Variants in ESRRG observed in about 807,000 individuals in gnomAD.
The protein encoded by ESRRG is estrogen-related receptor gamma.
In ESRRG, 13 loss-of-function variants were observed where a neutral mutation model predicts 44.0. The ratio of observed to expected loss-of-function variants is 0.30; its 90% CI spans 0.19 to 0.47. ESRRG has a LOEUF of 0.47. Ranked by LOEUF, ESRRG falls within the 20% of genes least tolerant of loss-of-function variation. ESRRG has a pLI of 1.00. For synonymous variants in ESRRG, 215 were observed against 214.6 expected, an observed-to-expected ratio of 1.00 and a Z score of -0.02; for missense variants, 395 against 580.6, an observed-to-expected ratio of 0.68 and a Z score of 3.29.
intron 2 of ESRRG, among the ~76,000 whole-genome samples, chr1:216,830,021 G>A (rs2095461417): frequency 6.6e-6 from 1 of 152,120 alleles, no homozygotes; most frequent in African/African-American, 2.4e-5. Flanking sequence ...TCAAGGCGTT[G>A]ACAGCACAGA....
intron 2 of ESRRG, among the ~76,000 whole-genome samples, chr1:216,907,157 C>T (rs1290135595): frequency 6.6e-6 from 1 of 152,146 alleles, no homozygotes; most frequent in Non-Finnish European, 1.5e-5. Context: ...AAAGGCATCG[C>T]CTGGCCACCG....
intron 2 of ESRRG, among the ~76,000 whole-genome samples, chr1:216,849,732 G>A (rs2148965603): frequency 6.6e-6 from 1 of 152,216 alleles, no homozygotes; most frequent in South Asian, 2.1e-4. Context: ...ATTGAAAAAT[G>A]TCAACTACTT....
Position 216,956,045 on chromosome 1 carries a change from T to A in ESRRG, c.-105-16372A>T, listed in dbSNP as rs146182531. ...AATTGTTTCCTTTGCTGTGCAGAAG[T>A]TTCTTCAGTTTAATATCTACTTTTT... On this transcript the variant is annotated intron_variant, in intron 1 of 7. Transcript: ENST00000359162. 3.4e-3 allele frequency among the ~76,000 whole-genome samples: 520 copies of A among 152,190 alleles called. 3 individuals carry two copies. The highest frequency in any genetic ancestry group is 0.025 in the Admixed American group (375 of 15,268).
intron 1 of ESRRG, among the ~76,000 whole-genome samples, chr1:217,026,912 C>CACACACACACACAG (rs1255637839): frequency 1.1e-5 from 1 of 93,414 alleles, no homozygotes; most frequent in African/African-American, 4.0e-5. Flanking sequence ...CACACACACA[C>CACACACACACACAG]AGAGAGAGAG....
intron 2 of ESRRG, among the ~76,000 whole-genome samples, chr1:216,771,330 A>G (rs1350642310): frequency 6.6e-6 from 1 of 152,184 alleles, no homozygotes; most frequent in African/African-American, 2.4e-5. Context: ...GTATGTAAAA[A>G]ATTCAATTGG....
At chr1:216,935,974 C>A (rs762800351) in intron 2 of ESRRG, among the ~76,000 whole-genome samples, 1 of 152,018 alleles carries the variant, frequency 6.6e-6, no homozygotes, top group Non-Finnish European at 1.5e-5. Flanking sequence ...TTAACTCAAT[C>A]TTCAGCTTCT....
At chr1:216,744,074 G>C (rs1009634038) in intron 2 of ESRRG, among the ~76,000 whole-genome samples, 2 of 152,096 alleles carry the variant, frequency 1.3e-5, no homozygotes, top group East Asian at 1.9e-4. Context: ...TGAGCAGAAA[G>C]TTTTGCTAGG....
chr1:216,659,401 G>C (rs1303185546), intron 2 of ESRRG, among the ~76,000 whole-genome samples: 1 of 152,194 alleles, frequency 6.6e-6, no homozygotes, highest in Non-Finnish European at 1.5e-5. Flanking sequence ...AAATGTCTGA[G>C]AAGTGAGTTT....
intron 3 of ESRRG, among the ~76,000 whole-genome samples, chr1:216,598,673 A>G (rs2058770233): frequency 6.6e-6 from 1 of 152,210 alleles, no homozygotes; most frequent in African/African-American, 2.4e-5. Flanking sequence ...CTCTCACAGC[A>G]AGTCAGTGAA....
intron 1 of ESRRG, among the ~76,000 whole-genome samples, chr1:217,006,961 G>A (rs1174944079): frequency 7.2e-5 from 11 of 152,088 alleles, no homozygotes; most frequent in Non-Finnish European, 1.2e-4. Context: ...ATAAAGGCTA[G>A]CTTCCCCATA....
chr1:217,080,372 T>C (rs886953631), intron 1 of ESRRG, among the ~76,000 whole-genome samples: 1 of 152,168 alleles, frequency 6.6e-6, no homozygotes, highest in African/African-American at 2.4e-5. Context: ...CAATAAATGA[T>C]GGTTTGGAGG....
chr1:216,980,820 C>T (rs1579004474), intron 1 of ESRRG, among the ~76,000 whole-genome samples: 1 of 152,330 alleles, frequency 6.6e-6, no homozygotes, highest in East Asian at 1.9e-4. Context: ...TCGCTTGCCT[C>T]TACTCAGTCA....
chr1:217,065,091 G>A (rs532763790), intron 1 of ESRRG, among the ~76,000 whole-genome samples: 1 of 152,298 alleles, frequency 6.6e-6, no homozygotes, highest in African/African-American at 2.4e-5. Flanking sequence ...AGGCAGAGGT[G>A]TTTCAACTGC....
intron 2 of ESRRG, among the ~76,000 whole-genome samples, chr1:216,883,506 A>G (rs981126211): frequency 1.2e-4 from 18 of 152,096 alleles, no homozygotes; most frequent in African/African-American, 4.1e-4. Flanking sequence ...AGCGAATGGA[A>G]TCCGAGAGAT....
At chr1:216,510,114 T>A (rs2042277940) in intron 6 of ESRRG, among the ~76,000 whole-genome samples, 1 of 152,302 alleles carries the variant, frequency 6.6e-6, no homozygotes, top group South Asian at 2.1e-4. Context: ...AGGACTAGGC[T>A]ACATATTAAA....
intron 3 of ESRRG, among the ~76,000 whole-genome samples, chr1:216,602,704 A>T (rs76364826): frequency 0.023 from 3,559 of 152,326 alleles, 149 homozygotes; most frequent in African/African-American, 0.081. Context: ...ATTACTATGA[A>T]CTATGTTTTC....
chr1:216,646,030 C>T (rs540885429), intron 3 of ESRRG, among the ~76,000 whole-genome samples: 109 of 152,190 alleles, frequency 7.2e-4, no homozygotes, highest in African/African-American at 2.5e-3. Flanking sequence ...TCTTCTTCCT[C>T]CTCTTCCTTT....
At chr1:217,037,395 T>G (rs1345738271) in intron 1 of ESRRG, among the ~76,000 whole-genome samples, 4 of 152,162 alleles carry the variant, frequency 2.6e-5, no homozygotes, top group Non-Finnish European at 5.9e-5. Context: ...AAGTCACATC[T>G]TACGTGGATG....
intron 1 of ESRRG, among the ~76,000 whole-genome samples, chr1:217,066,949 C>T (rs1432806553): frequency 1.3e-5 from 2 of 152,194 alleles, no homozygotes; most frequent in African/African-American, 4.8e-5. Flanking sequence ...TATGCTCTCA[C>T]CAAGGATTTC....
Sources: allele counts gnomAD v4.1 joint callset (sites outside exome capture counted in the v4.1 genomes callset), GRCh38; gene constraint gnomAD v4.1.1; transcripts MANE v1.5; gene names NCBI Gene and HGNC (gene_info 2026-07-23, HGNC 2026-07-21).